The following DNAH5 variants were observed in gnomAD, a reference collection of about 807,000 sequenced individuals.
DNAH5 encodes the protein dynein axonemal heavy chain 5, also known as axonemal beta dynein heavy chain 5.
A neutral mutation model predicts 518.2 loss-of-function variants in DNAH5; 372 were observed. That is an observed-to-expected ratio of 0.72 (90% CI 0.66 to 0.78). The LOEUF is 0.78. DNAH5 is among the 30% of genes least tolerant of loss of function. DNAH5 has a pLI of 0.00. For missense variants in DNAH5, 5,523 were observed against 5,687.0 expected (o/e 0.97, Z 0.93); for synonymous variants, 2,039 against 2,025.9 (o/e 1.01, Z -0.17).
intron 41 of DNAH5, among the ~76,000 whole-genome samples, chr5:13,819,279 T>C (rs1761919482): frequency 6.6e-6 from 1 of 152,152 alleles, no homozygotes; most frequent in African/African-American, 2.4e-5. Context: ...TCCTGCAGGT[T>C]GGAGTGGTCC....
intron 12 of DNAH5, among the ~76,000 whole-genome samples, chr5:13,902,994 G>A (rs1204068777): frequency 2.0e-5 from 3 of 152,176 alleles, no homozygotes. Flanking sequence ...ATCTTTGAGA[G>A]AGAAGGAGCA....
chr5:13,770,823 T>A lies in DNAH5; in HGVS notation c.9531A>T (p.Ser3177=). Residue 3177 remains serine (S), a synonymous_variant, in exon 56 of 79, where the codon TCA becomes TCT. Transcript: ENST00000265104. ...TATAGCCCTGAATAAAGGAGAGGTATGATTTGGGCGTCACGTGGGTAGAAC... is the reference window on the plus strand; with the variant it reads ...TATAGCCCTGAATAAAGGAGAGGTAAGATTTGGGCGTCACGTGGGTAGAAC... ...FRRSTHVTPK[S]YLSFIQGYKF... is the part of the protein sequence containing the mutation. 1 of 1,614,112 alleles carries A rather than the reference T, an allele frequency of 6.2e-7. No homozygotes were observed. Among genetic ancestry groups the A allele is most frequent in the South Asian group, 1.1e-5 (1 of 91,086 alleles).
rs551726768 is a variant in DNAH5 at position 13,982,340 on chromosome 5, G to A, written c.12+29308C>T. On this transcript the variant is annotated intron_variant, in intron 1 of 78. Coordinates refer to the DNAH5 transcript ENST00000681290. ...AGCCTTTCAGTATGTGCATACACACGTAGACATACGCATTATTGCATGAGT... is the reference window on the plus strand; with the variant it reads ...AGCCTTTCAGTATGTGCATACACACATAGACATACGCATTATTGCATGAGT... Among the ~76,000 whole-genome samples the A allele has an allele frequency of 1.2e-3, 175 of 141,560 alleles. 1 individual carries two copies. The highest frequency in any genetic ancestry group is 2.3e-3 in the Non-Finnish European group (144 of 61,558). 92.9% of individuals were successfully genotyped at this position (141,560 alleles called of 152,430 possible).
At chr5:13,963,994 C>A (rs368765576) in intron 1 of DNAH5, among the ~76,000 whole-genome samples, 8 of 152,166 alleles carry the variant, frequency 5.3e-5, no homozygotes, top group African/African-American at 1.9e-4. Flanking sequence ...CTTCAACATA[C>A]CTTCTAAACA....
chr5:13,909,792 A>G, intron 12 of DNAH5, among the ~76,000 whole-genome samples: 1 of 152,178 alleles, frequency 6.6e-6, no homozygotes, highest in East Asian at 1.9e-4. Context: ...CTCCTATCTG[A>G]CTATGAGCTG....
intron 25 of DNAH5, 47 bp from the exon 26 acceptor site, chr5:13,866,329 T>A (rs1411772936): frequency 1.3e-6 from 2 of 1,501,438 alleles, no homozygotes; most frequent in Non-Finnish European, 1.8e-6. Flanking sequence ...TGTTTGCATA[T>A]AAATTTCATG....
At chr5:13,812,073 T>C (rs1760787813) in intron 43 of DNAH5, among the ~76,000 whole-genome samples, 1 of 152,098 alleles carries the variant, frequency 6.6e-6, no homozygotes, top group African/African-American at 2.4e-5. Context: ...CCAGGAAGTG[T>C]AGGTAGCCTG....
At position 13,769,022 on chromosome 5, in the gene DNAH5, T is replaced by C. The variant is rs780761145; in HGVS notation, c.9835A>G (p.Ile3279Val). The stretch of plus-strand genomic sequence containing the variant: ...GCTGCTTCCAGTTTTTCTTCAGCAA[T>C]GGCTTTGTCTTTAGAGATGCTGTCC... ...IVDSISKDKA[I>V]AEEKLEAAKP... The change falls in exon 58 of 79, where the codon ATT (isoleucine) becomes GTT (valine). Residue 3279 changes from isoleucine to valine, a missense_variant. Ile to Val is a conservative substitution (Grantham distance 29). This residue lies in a region of DNAH5 where 5,121 missense variants were observed against 5,223.3 expected (regional missense o/e 0.98). Transcript: ENST00000265104. 2.5e-6 allele frequency: 4 copies of C among 1,614,246 alleles called. No individual in the cohort carries two copies. Among genetic ancestry groups the C allele is most frequent in the East Asian group, 2.2e-5 (1 of 44,888 alleles).
intron 65 of DNAH5, among the ~76,000 whole-genome samples, chr5:13,739,329 T>G (rs1748056264): frequency 6.6e-6 from 1 of 152,308 alleles, no homozygotes; most frequent in South Asian, 2.1e-4. Context: ...GAGTGAATTC[T>G]CACAAGATCT....
chr5:13,948,520 A>G (rs1434352783), upstream of DNAH5, among the ~76,000 whole-genome samples: 1 of 152,230 alleles, frequency 6.6e-6, no homozygotes, highest in Non-Finnish European at 1.5e-5. Context: ...GGCAAGCCCT[A>G]TAGAAGAATA....
At position 13,907,356 on chromosome 5, in the gene DNAH5, G is replaced by A. The variant is rs559360541; in HGVS notation, c.1644+4030C>T. ...TGAGGCAGGAGAATCGCTTGAACCC[G>A]GGAGGCAGAGGTTGCAGTGAGCCGA... On this transcript the variant is annotated intron_variant, in intron 12 of 78. Coordinates refer to ENST00000265104, the MANE Select transcript of DNAH5 (RefSeq NM_001369.3). Among the ~76,000 whole-genome samples, 110 of 152,228 alleles carry A rather than the reference G, an allele frequency of 7.2e-4. 1 individual carries two copies. Among genetic ancestry groups the A allele is most frequent in the African/African-American group, 2.5e-3 (103 of 41,546 alleles).
Position 13,864,444 on chromosome 5 carries a change from T to C in DNAH5, c.4549A>G (p.Arg1517Gly). 1 of 1,614,180 alleles carries C rather than the reference T, an allele frequency of 6.2e-7. No homozygotes were observed. The highest frequency in any genetic ancestry group is 8.5e-7 in the Non-Finnish European group (1 of 1,180,012). The change falls in exon 28 of 79, where the codon AGA becomes GGA. Residue 1517 changes from arginine (R) to glycine (G), a missense_variant. Physicochemically the swap from Arg to Gly is moderately radical, Grantham distance 125. This residue lies in a region of DNAH5 where 5,121 missense variants were observed against 5,223.3 expected (regional missense o/e 0.98). Transcript: ENST00000265104. ...AGAAGAGGTGCCTCCATGATATTTCTTAACTTAAAGCTTTCATTCCCCACA... is the reference window on the plus strand; with the variant it reads ...AGAAGAGGTGCCTCCATGATATTTCCTAACTTAAAGCTTTCATTCCCCACA... ...LDVGNESFKL[R>G]NIMEAPLLKY...
Position 13,775,034 on chromosome 5 carries a change from C to T in DNAH5, c.9373+1405G>A, listed in dbSNP as rs187005351. ...ATCTGTGCTCTGCATGTATATCCTACTTGAGTTTTAAAATCTTTTTTTTAA... is the reference window on the plus strand; with the variant it reads ...ATCTGTGCTCTGCATGTATATCCTATTTGAGTTTTAAAATCTTTTTTTTAA... On this transcript the variant is annotated intron_variant, in intron 55 of 78. Transcript: ENST00000265104. Among the ~76,000 whole-genome samples, 375 of 151,906 alleles carry T rather than the reference C, an allele frequency of 2.5e-3. 1 individual carries two copies. Among genetic ancestry groups the T allele is most frequent in the African/African-American group, 8.7e-3 (360 of 41,444 alleles).
At chr5:13,894,587 T>C in intron 16 of DNAH5, 63 bp downstream of exon 16, 1 of 1,533,070 alleles carries the variant, frequency 6.5e-7, no homozygotes, top group Non-Finnish European at 9.0e-7. Flanking sequence ...AAGAAATTAT[T>C]CAACAGATGT....
chr5:13,844,896 T>G lies in DNAH5; in HGVS notation c.5212A>C (p.Ile1738Leu). ...AACACATTCAGCAAATGGGCCTGTA[T>G]AGTGTGGGAGTCCGACGCCTGCCCC... ...ILGQASDSHT[I>L]QAHLLNVFDN... Residue 1738 changes from isoleucine (I) to leucine (L), a missense_variant, in exon 32 of 79, where the codon ATA becomes CTA. Ile to Leu is a conservative substitution (Grantham distance 5, BLOSUM62 2). Coordinates refer to ENST00000265104, the MANE Select transcript of DNAH5 (RefSeq NM_001369.3). 1.9e-6 allele frequency: 3 copies of G among 1,614,186 alleles called. No individual in the cohort carries two copies.
chr5:13,954,997 C>T (rs756410116), intron 1 of DNAH5, among the ~76,000 whole-genome samples: 6 of 152,146 alleles, frequency 3.9e-5, no homozygotes, highest in East Asian at 1.9e-4. Context: ...ACAATCAACG[C>T]GAAGTCAAAG....
chr5:13,922,034 A>G, intron 5 of DNAH5, 73 bp downstream of exon 5: 1 of 1,480,374 alleles, frequency 6.8e-7, no homozygotes, highest in Non-Finnish European at 9.4e-7. Flanking sequence ...ATCTAAGAGA[A>G]GCATTACACA....
chr5:14,004,222 G>C (rs1305775368), intron 1 of DNAH5, among the ~76,000 whole-genome samples: 1 of 152,178 alleles, frequency 6.6e-6, no homozygotes, highest in Non-Finnish European at 1.5e-5. Flanking sequence ...TGGCCCAGCT[G>C]TTCCTTATCT....
chr5:13,928,176 A>C lies in DNAH5; in HGVS notation c.195T>G (p.Ile65Met). The change falls in exon 3 of 79, where the codon ATT (isoleucine) becomes ATG (methionine). Residue 65 changes from isoleucine (I) to methionine (M), a missense_variant and splice_region_variant. By Grantham distance (10) the Ile-to-Met change is conservative. This residue lies in a region of DNAH5 where 5,121 missense variants were observed against 5,223.3 expected (regional missense o/e 0.98). Coordinates refer to ENST00000265104, the MANE Select transcript of DNAH5 (RefSeq NM_001369.3). ...CAGCAAAAAGTTGATCAATTCTTTC[A>C]ATCTGGGAAAAAGAAAAAGGCAAGA... Reference protein sequence around the residue: ...VEDAILEGNQIERIDQLFAVG... With the variant: ...VEDAILEGNQMERIDQLFAVG... 1 of 1,611,948 alleles carries C rather than the reference A, an allele frequency of 6.2e-7. No homozygotes were observed. Among genetic ancestry groups the C allele is most frequent in the South Asian group, 1.1e-5 (1 of 91,030 alleles).
Sources: gnomAD v4.1 joint callset for allele counts (sites outside exome capture counted in the v4.1 genomes callset) on GRCh38, gnomAD v4.1.1 for gene constraint, gnomAD v4.1.1 regional missense constraint, MANE v1.5 for transcripts, NCBI Gene and HGNC (gene_info 2026-07-23, HGNC 2026-07-21) for gene names.